Variants in MCM10 observed in about 807,000 individuals in gnomAD.
The protein encoded by MCM10 is minichromosome maintenance 10 replication initiation factor, also known as protein MCM10 homolog.
A neutral mutation model predicts 109.9 loss-of-function variants in MCM10; 91 were observed. That is an observed-to-expected ratio of 0.83 (90% CI 0.70 to 0.99). The LOEUF (loss-of-function observed/expected upper bound fraction) is 0.99, where lower values mean the gene tolerates loss of function less well. Ranked by LOEUF, MCM10 falls within the 50% of genes least tolerant of loss-of-function variation. MCM10 has a pLI of 0.00. For missense variants in MCM10, 1,077 were observed against 1,061.2 expected (o/e 1.01, Z -0.21); for synonymous variants, 380 against 387.2 (o/e 0.98, Z 0.22).
chr10:13,189,929 G>A (rs891419600), intron 10 of MCM10, among the ~76,000 whole-genome samples: 3 of 151,798 alleles, frequency 2.0e-5, no homozygotes, highest in South Asian at 4.2e-4. Context: ...GAATTGTCTT[G>A]GACTACACAT....
At chr10:13,162,286 A>T (rs1404282920) in intron 1 of MCM10, among the ~76,000 whole-genome samples, 5 of 142,992 alleles carry the variant, frequency 3.5e-5, no homozygotes, top group Non-Finnish European at 7.4e-5. Flanking sequence ...GCTTGGAAAG[A>T]GAGAGAGAAT....
intron 2 of MCM10, among the ~76,000 whole-genome samples, chr10:13,167,782 C>T (rs536267588): frequency 2.0e-5 from 3 of 152,308 alleles, no homozygotes; most frequent in South Asian, 2.1e-4. Flanking sequence ...ATGCCTAATA[C>T]GTGCCGAACA....
intron 8 of MCM10, 112 bp downstream of exon 8, chr10:13,183,212 T>C (rs370854778): frequency 2.3e-5 from 28 of 1,231,580 alleles, no homozygotes; most frequent in Non-Finnish European, 3.0e-5. Context: ...TCCTAACACT[T>C]TGGGGAGGCC....
At chr10:13,193,975 C>T (rs1031157507) in intron 13 of MCM10, among the ~76,000 whole-genome samples, 12 of 152,080 alleles carry the variant, frequency 7.9e-5, no homozygotes, top group African/African-American at 2.9e-4. Context: ...TGAGTCTGGC[C>T]CTTGTGAGTA....
rs1489200800 is a variant in MCM10 at position 13,172,171 on chromosome 10, T to G, written c.350-205T>G. The stretch of plus-strand genomic sequence containing the variant: ...TATAACTAGTTTGATTATTGGGTGC[T>G]TCGTTTACTTTAAATAAAATATGTA... On this transcript the variant is annotated intron_variant, in intron 3 of 19. Transcript: ENST00000378714. The surrounding 1 kb of genome is among the most constrained non-coding windows in gnomAD (Gnocchi z 5.2). 6.6e-6 allele frequency among the ~76,000 whole-genome samples: 1 copy of G among 152,196 alleles called. No homozygotes were observed. Among genetic ancestry groups the G allele is most frequent in the Non-Finnish European group, 1.5e-5 (1 of 68,036 alleles).
chr10:13,207,765 C>T (rs918037866), intron 18 of MCM10, among the ~76,000 whole-genome samples: 16 of 152,168 alleles, frequency 1.1e-4, no homozygotes, highest in African/African-American at 3.9e-4. Context: ...GAGGCCTCCC[C>T]AGCCATGTGG....
chr10:13,172,544 C>G lies in MCM10; in HGVS notation c.454+64C>G. ...TTTATTAGAAATTATCACATCATTT[C>G]TGCATCCAACTCCTGTCCAAACAGC... On this transcript the variant is annotated intron_variant, in intron 4 of 19. Transcript: ENST00000378714. This position sits in a 1 kb window ranked among gnomAD's most constrained non-coding sequence, Gnocchi z 5.2. 1 of 1,596,688 alleles carries G rather than the reference C, an allele frequency of 6.3e-7. No individual in the cohort carries two copies. The highest frequency in any genetic ancestry group is 8.6e-7 in the Non-Finnish European group (1 of 1,164,850).
intron 17 of MCM10, among the ~76,000 whole-genome samples, chr10:13,203,366 C>A (rs144222290): frequency 3.9e-5 from 6 of 152,160 alleles, no homozygotes; most frequent in African/African-American, 1.4e-4. Context: ...TCCTCTTCCA[C>A]GTTTAAGGGT....
At chr10:13,163,160 G>A (rs556648183) in intron 1 of MCM10, among the ~76,000 whole-genome samples, 72 of 151,448 alleles carry the variant, frequency 4.8e-4, no homozygotes, top group African/African-American at 1.6e-3. Context: ...GCAACATGGC[G>A]AAACCCTGTC....
intron 18 of MCM10, among the ~76,000 whole-genome samples, chr10:13,208,582 A>G (rs911546027): frequency 6.8e-6 from 1 of 147,548 alleles, no homozygotes; most frequent in African/African-American, 2.5e-5. Context: ...AAAAAAAAAA[A>G]GGAAAAGAAA....
intron 18 of MCM10, among the ~76,000 whole-genome samples, chr10:13,207,231 C>T (rs1488927010): frequency 1.3e-5 from 2 of 152,176 alleles, no homozygotes; most frequent in Admixed American, 6.5e-5. Flanking sequence ...CTGAAAGCAA[C>T]CATAGATAAT....
intron 5 of MCM10, among the ~76,000 whole-genome samples, chr10:13,174,632 A>G (rs1834116983): frequency 6.6e-6 from 1 of 152,184 alleles, no homozygotes; most frequent in South Asian, 2.1e-4. Context: ...ATTTAGTTAG[A>G]AATGTATTTC....
intron 9 of MCM10, among the ~76,000 whole-genome samples, chr10:13,188,043 G>C (rs370967429): frequency 6.6e-6 from 1 of 152,126 alleles, no homozygotes; most frequent in South Asian, 2.1e-4. Context: ...TACTTGGGAG[G>C]CTGAGGCAGA....
chr10:13,172,329 C>T lies in MCM10; in HGVS notation c.350-47C>T, dbSNP rs773120037. 8.3e-6 allele frequency: 12 copies of T among 1,453,618 alleles called. No homozygotes were observed. Among genetic ancestry groups the T allele is most frequent in the African/African-American group, 1.4e-5 (1 of 71,382 alleles). 90.0% of individuals were successfully genotyped at this position (1,453,618 alleles called of 1,614,324 possible). On this transcript the variant is annotated intron_variant, in intron 3 of 19. Coordinates refer to ENST00000378714, the MANE Select transcript of MCM10 (RefSeq NM_018518.5). The surrounding 1 kb of genome is among the most constrained non-coding windows in gnomAD (Gnocchi z 5.2). Reference sequence around the variant, plus strand: ...TTGCCCGCATTTTTGTCATGTAGAACGTTTTCTCCTGCCTGGTTCTTAAAT... The same window carrying T: ...TTGCCCGCATTTTTGTCATGTAGAATGTTTTCTCCTGCCTGGTTCTTAAAT...
chr10:13,173,035 C>T (rs1226701447), intron 5 of MCM10, among the ~76,000 whole-genome samples: 1 of 152,054 alleles, frequency 6.6e-6, no homozygotes, highest in Non-Finnish European at 1.5e-5. Flanking sequence ...ATAGCAAGAC[C>T]CTATCTCTAC....
intron 2 of MCM10, among the ~76,000 whole-genome samples, chr10:13,166,742 CAG>C (rs1834007001): frequency 6.9e-6 from 1 of 145,932 alleles, no homozygotes; most frequent in South Asian, 2.2e-4. Context: ...TGAGGAGAGA[CAG>C]TGTGAAGTGG....
intron 6 of MCM10, among the ~76,000 whole-genome samples, chr10:13,179,596 A>C (rs1334635285): frequency 6.6e-6 from 1 of 152,186 alleles, no homozygotes; most frequent in Non-Finnish European, 1.5e-5. Context: ...CTCGTCTGCA[A>C]ATATATAACG....
chr10:13,203,056 G>C (rs530876134), intron 17 of MCM10, among the ~76,000 whole-genome samples: 130 of 152,176 alleles, frequency 8.5e-4, no homozygotes, highest in African/African-American at 3.0e-3. Context: ...TGTTGGACAT[G>C]CTGGTCTGGA....
chr10:13,199,079 A>G (rs1834462400), intron 16 of MCM10, among the ~76,000 whole-genome samples: 1 of 152,168 alleles, frequency 6.6e-6, no homozygotes, highest in Admixed American at 6.5e-5. Context: ...TGTTTTTAGT[A>G]GGGACAGAGT....
Sources: gnomAD v4.1 joint callset for allele counts (sites outside exome capture counted in the v4.1 genomes callset) on GRCh38, gnomAD v4.1.1 for gene constraint, Gnocchi (gnomAD v3.1) non-coding constraint, MANE v1.5 for transcripts, NCBI Gene and HGNC (gene_info 2026-07-23, HGNC 2026-07-21) for gene names.